SLC16A9: variants seen among roughly 807,000 people sequenced by gnomAD.
SLC16A9 encodes solute carrier family 16 member 9, also known as monocarboxylate transporter 9.
Under a neutral mutation model 44.3 loss-of-function variants are expected in SLC16A9, and 26 were observed. That is an observed-to-expected ratio of 0.59 (90% CI 0.43 to 0.81). The LOEUF is 0.81. Among genes scored for constraint, SLC16A9 ranks in the 40% least tolerant of loss-of-function variants. The pLI, the probability that SLC16A9 is intolerant of heterozygous loss-of-function variation, is 0.00. For missense variants in SLC16A9, 559 were observed against 595.8 expected (o/e 0.94, Z 0.64); for synonymous variants, 230 against 225.1 (o/e 1.02, Z -0.19).
intron 1 of SLC16A9, among the ~76,000 whole-genome samples, chr10:59,707,719 A>G (rs1330709316): frequency 1.3e-5 from 2 of 152,110 alleles, no homozygotes; most frequent in East Asian, 1.9e-4. Context: ...TACAATTTTT[A>G]TTACCTAATT....
Position 59,651,209 on chromosome 10 carries a change from T to C in SLC16A9, c.*1563A>G, listed in dbSNP as rs1356013269. On this transcript the variant is annotated 3_prime_UTR_variant, in exon 6 of 6. Transcript: ENST00000395348. ...ATTTACCTACCTCACAGAGGTATTG[T>C]GAGGATTTGTGTTTATAAAGTGCTT... 6.6e-6 allele frequency: 1 copy of C among 152,152 alleles called. No individual in the cohort carries two copies. The highest frequency in any genetic ancestry group is 2.4e-5 in the African/African-American group (1 of 41,430). 9.4% of individuals were successfully genotyped at this position (152,152 alleles called of 1,614,324 possible). A position where few individuals can be genotyped will look rare whatever the true frequency, so the allele number is the denominator to read the frequency against.
chr10:59,708,359 G>A (rs1467218396), intron 1 of SLC16A9, among the ~76,000 whole-genome samples: 1 of 152,152 alleles, frequency 6.6e-6, no homozygotes, highest in Non-Finnish European at 1.5e-5. Flanking sequence ...ATCTTCTCTA[G>A]CTTCCTCAGC....
chr10:59,682,534 C>G (rs925990253), intron 2 of SLC16A9, among the ~76,000 whole-genome samples: 4 of 152,182 alleles, frequency 2.6e-5, no homozygotes, highest in African/African-American at 9.7e-5. Context: ...TCTACTCCAA[C>G]CTGGACAGAC....
intron 2 of SLC16A9, among the ~76,000 whole-genome samples, chr10:59,680,983 A>AATAAT (rs1839972771): frequency 6.8e-6 from 1 of 147,978 alleles, no homozygotes; most frequent in African/African-American, 2.5e-5. Context: ...ACCCAATCTC[A>AATAAT]AATAATAATA....
At chr10:59,703,941 C>T (rs996152554) in intron 1 of SLC16A9, among the ~76,000 whole-genome samples, 2 of 151,982 alleles carry the variant, frequency 1.3e-5, no homozygotes, top group Non-Finnish European at 2.9e-5. Context: ...CCAGGATGGT[C>T]TCAATATCCT....
In SLC16A9 at chr10:59,695,210, G is replaced by T. The variant is rs140231942; in HGVS notation, c.-36-10883C>A. Among the ~76,000 whole-genome samples, 596 of 152,090 alleles carry T rather than the reference G, an allele frequency of 3.9e-3. 7 individuals are homozygous for T. The highest frequency in any genetic ancestry group is 0.014 in the African/African-American group (562 of 41,476). ...CTAATGCATATGAGGTTTCTTCGGG[G>T]GTGATGAAAATGCTCTAAAATTGAT... On this transcript the variant is annotated intron_variant, in intron 1 of 5. Transcript: ENST00000395348.
In SLC16A9 at chr10:59,684,109, A is replaced by T. The variant is rs141096400; in HGVS notation, c.183T>A (p.Val61=). ...TAWVGSLASG[V]GLLASPVCSL... Reference sequence around the variant, plus strand: ...TTATCCACTTACTTGCAAGCAAGCCAACTCCACTTGCCAGGGATCCAACCC... The same window carrying T: ...TTATCCACTTACTTGCAAGCAAGCCTACTCCACTTGCCAGGGATCCAACCC... Residue 61 remains valine, a synonymous_variant, in exon 2 of 6, where the codon GTT becomes GTA. Transcript: ENST00000395348. 1.9e-6 allele frequency: 3 copies of T among 1,612,652 alleles called. No homozygotes were observed.
chr10:59,659,343 T>A (rs982561005), intron 4 of SLC16A9, among the ~76,000 whole-genome samples: 1 of 152,128 alleles, frequency 6.6e-6, no homozygotes. Context: ...TTTCTGACAG[T>A]GGCCTTAGGG....
chr10:59,701,493 G>A (rs1034505768), intron 1 of SLC16A9, among the ~76,000 whole-genome samples: 1 of 152,102 alleles, frequency 6.6e-6, no homozygotes, highest in African/African-American at 2.4e-5. Flanking sequence ...ATTACAAAAG[G>A]ACACTAAGAT....
chr10:59,664,154 C>T, intron 4 of SLC16A9, 73 bp downstream of exon 4: 2 of 1,004,840 alleles, frequency 2.0e-6, no homozygotes, highest in East Asian at 2.8e-5. Flanking sequence ...TTAAACATGT[C>T]TGTGCTTGGT....
At chr10:59,664,465 CAT>C in intron 3 of SLC16A9, 143 bp from the exon 4 acceptor site, 1 of 479,394 alleles carries the variant, frequency 2.1e-6, no homozygotes, top group South Asian at 2.9e-5. Context: ...AGATTCCTTC[CAT>C]GTGTGTAGCC....
At chr10:59,681,720 G>GATGTAT (rs61175211) in intron 2 of SLC16A9, among the ~76,000 whole-genome samples, 9 of 3,552 alleles carry the variant, frequency 2.5e-3, no homozygotes, top group Middle Eastern at 0.12. Context: ...ATATGTATAT[G>GATGTAT]ATGTATATGT....
intron 1 of SLC16A9, among the ~76,000 whole-genome samples, chr10:59,708,130 C>CT (rs1047242153): frequency 5.9e-5 from 9 of 151,888 alleles, no homozygotes; most frequent in Non-Finnish European, 8.8e-5. Flanking sequence ...CTTGCGAGGA[C>CT]TTTTTTTTGA....
intron 1 of SLC16A9, among the ~76,000 whole-genome samples, chr10:59,700,481 A>C (rs1354606058): frequency 6.6e-6 from 1 of 152,216 alleles, no homozygotes; most frequent in African/African-American, 2.4e-5. Context: ...TTCAATGTGC[A>C]TCAAAAAGCA....
chr10:59,706,698 C>T (rs1840644536), intron 1 of SLC16A9, among the ~76,000 whole-genome samples: 1 of 150,380 alleles, frequency 6.6e-6, no homozygotes, highest in African/African-American at 2.5e-5. Flanking sequence ...ATCAGTCAGG[C>T]GTGGTGGCTC....
chr10:59,671,926 GA>G (rs1839759311), intron 3 of SLC16A9, among the ~76,000 whole-genome samples: 1 of 152,162 alleles, frequency 6.6e-6, no homozygotes, highest in Non-Finnish European at 1.5e-5. Context: ...CCTAGCATAT[GA>G]TAAGTACACA....
intron 5 of SLC16A9, 86 bp downstream of exon 5, chr10:59,653,589 G>T: frequency 1.8e-6 from 2 of 1,112,190 alleles, no homozygotes; most frequent in Non-Finnish European, 2.6e-6. Context: ...ACAAATCTGT[G>T]CTACTATTAC....
chr10:59,699,884 G>T (rs932696981), intron 1 of SLC16A9, among the ~76,000 whole-genome samples: 2 of 144,882 alleles, frequency 1.4e-5, no homozygotes, highest in African/African-American at 5.2e-5. Flanking sequence ...CATTATTTCA[G>T]ATTCAACTGC....
In SLC16A9 at chr10:59,691,092, A is replaced by ATAAG. The variant is rs1026807040; in HGVS notation, c.-36-6769_-36-6766dup. Among the ~76,000 whole-genome samples the ATAAG allele has an allele frequency of 7.2e-5, 11 of 152,350 alleles. No individual in the cohort carries two copies. In the South Asian group the frequency reaches 8.3e-4, roughly 11 times the overall value. ...AGAGCAAGACTCCATCTCTAAATAA[A>ATAAG]TAAGTAAGTAAATAAATGAATGAAA... On this transcript the variant is annotated intron_variant, in intron 1 of 5. Coordinates refer to ENST00000395348, the MANE Select transcript of SLC16A9 (RefSeq NM_194298.3).
Sources: gnomAD v4.1 joint callset for allele counts (sites outside exome capture counted in the v4.1 genomes callset) on GRCh38, gnomAD v4.1.1 for gene constraint, MANE v1.5 for transcripts, NCBI Gene and HGNC (gene_info 2026-07-23, HGNC 2026-07-21) for gene names.